Variants in NEDD4L observed in about 807,000 individuals in gnomAD.
The protein encoded by NEDD4L is E3 ubiquitin-protein ligase NEDD4-like.
In NEDD4L, 54 loss-of-function variants were observed where a neutral mutation model predicts 148.9. The observed-to-expected ratio is 0.36, with a 90% CI of 0.29 to 0.45. The LOEUF (loss-of-function observed/expected upper bound fraction) is 0.45. Among genes scored for constraint, NEDD4L ranks in the 20% least tolerant of loss-of-function variants. The pLI, the probability that NEDD4L is intolerant of heterozygous loss-of-function variation, is 1.00. For missense variants in NEDD4L, 856 were observed against 1,233.8 expected (o/e 0.69, Z 4.59); for synonymous variants, 433 against 440.7 (o/e 0.98, Z 0.22).
At chr18:58,283,876 C>T (rs1258555003) in intron 5 of NEDD4L, among the ~76,000 whole-genome samples, 1 of 152,090 alleles carries the variant, frequency 6.6e-6, no homozygotes, top group Non-Finnish European at 1.5e-5. Context: ...TGAATGTGGA[C>T]CCTAATCTGA....
intron 1 of NEDD4L, among the ~76,000 whole-genome samples, chr18:58,056,635 CAGTGA>C (rs1313454069): frequency 1.3e-5 from 2 of 152,056 alleles, no homozygotes; most frequent in African/African-American, 4.8e-5. Flanking sequence ...AGCAAGAGTG[CAGTGA>C]CACCATCTTG....
chr18:58,074,792 A>G (rs2083077024), intron 1 of NEDD4L, among the ~76,000 whole-genome samples: 2 of 152,206 alleles, frequency 1.3e-5, no homozygotes, highest in African/African-American at 2.4e-5. Context: ...ATATTAAGAC[A>G]AGAAGATGAA....
intron 1 of NEDD4L, among the ~76,000 whole-genome samples, chr18:58,141,566 G>A (rs2033509495): frequency 6.6e-6 from 1 of 151,996 alleles, no homozygotes; most frequent in Non-Finnish European, 1.5e-5. Context: ...CTGAAAGCAG[G>A]CCTTGAATTC....
chr18:58,383,368 T>C, intron 25 of NEDD4L, 49 bp downstream of exon 25: 2 of 1,053,552 alleles, frequency 1.9e-6, no homozygotes, highest in South Asian at 1.4e-5. Flanking sequence ...TTGAAATGCA[T>C]GTTTGGTCAC....
chr18:58,234,102 TTTTC>T (rs2045652295), intron 2 of NEDD4L, among the ~76,000 whole-genome samples: 1 of 76,928 alleles, frequency 1.3e-5, no homozygotes, highest in Non-Finnish European at 2.5e-5. Flanking sequence ...TCTTTCTTTC[TTTTC>T]TTTTCTTTTC....
chr18:58,281,734 A>G (rs1270336708), intron 5 of NEDD4L, among the ~76,000 whole-genome samples: 2 of 152,192 alleles, frequency 1.3e-5, no homozygotes, highest in South Asian at 2.1e-4. Flanking sequence ...TTTTAAAACT[A>G]TAAAATGTTG....
chr18:58,078,670 C>T (rs527544831), intron 1 of NEDD4L, among the ~76,000 whole-genome samples: 3 of 152,212 alleles, frequency 2.0e-5, no homozygotes, highest in South Asian at 4.1e-4. Flanking sequence ...ACAATATGTA[C>T]AATGGAACAG....
At chr18:58,138,047 C>T (rs2033054396) in intron 1 of NEDD4L, among the ~76,000 whole-genome samples, 1 of 152,220 alleles carries the variant, frequency 6.6e-6, no homozygotes, top group South Asian at 2.1e-4. Context: ...CTGCCATCAC[C>T]CAGCCCATGC....
At chr18:58,263,403 A>T (rs2049737030) in intron 5 of NEDD4L, among the ~76,000 whole-genome samples, 1 of 152,222 alleles carries the variant, frequency 6.6e-6, no homozygotes, top group Admixed American at 6.5e-5. Flanking sequence ...AATAACTTTG[A>T]GGAGCCTACT....
At chr18:58,213,969 G>A (rs565592778) in intron 2 of NEDD4L, among the ~76,000 whole-genome samples, 2 of 152,164 alleles carry the variant, frequency 1.3e-5, no homozygotes, top group African/African-American at 4.8e-5. Context: ...AATGTGCCAG[G>A]TTGAAGCAAT....
chr18:58,254,181 C>G (rs1262677064), intron 5 of NEDD4L, among the ~76,000 whole-genome samples: 2 of 152,156 alleles, frequency 1.3e-5, no homozygotes, highest in Non-Finnish European at 2.9e-5. Context: ...CCACCACACT[C>G]TGGATGCTAG....
At chr18:58,302,468 C>T (rs1369818358) in intron 5 of NEDD4L, among the ~76,000 whole-genome samples, 2 of 152,166 alleles carry the variant, frequency 1.3e-5, no homozygotes, top group Non-Finnish European at 2.9e-5. Context: ...TCAAATTGCA[C>T]ACACTGAACT....
At chr18:58,078,154 AT>A (rs111413735) in intron 1 of NEDD4L, among the ~76,000 whole-genome samples, 8,463 of 152,102 alleles carry the variant, frequency 0.056, 794 homozygotes, top group African/African-American at 0.19. Flanking sequence ...TTTAGAGACA[AT>A]CTCATCACTG....
chr18:58,162,458 G>A (rs552763936), intron 1 of NEDD4L, among the ~76,000 whole-genome samples: 1 of 152,036 alleles, frequency 6.6e-6, no homozygotes, highest in African/African-American at 2.4e-5. Context: ...TTTCGCCAAA[G>A]AAGCCTTTCC....
intron 1 of NEDD4L, among the ~76,000 whole-genome samples, chr18:58,154,986 A>G (rs987913492): frequency 1.2e-4 from 19 of 152,262 alleles, no homozygotes; most frequent in African/African-American, 4.3e-4. Flanking sequence ...TATTATGACA[A>G]TTCAAAAATA....
chr18:58,276,697 T>A (rs975542016), intron 5 of NEDD4L, among the ~76,000 whole-genome samples: 116 of 86,186 alleles, frequency 1.3e-3, no homozygotes, highest in Middle Eastern at 5.5e-3. Context: ...AATAATAATA[T>A]TATTATTATT....
intron 2 of NEDD4L, among the ~76,000 whole-genome samples, chr18:58,236,686 T>C (rs1216649273): frequency 3.3e-5 from 5 of 152,260 alleles, no homozygotes; most frequent in Admixed American, 2.6e-4. Flanking sequence ...CTGGAAGTTA[T>C]GACCATTGCT....
At chr18:58,315,477 AAAC>A (rs997125099) in intron 5 of NEDD4L, among the ~76,000 whole-genome samples, 15 of 150,400 alleles carry the variant, frequency 1.0e-4, no homozygotes, top group African/African-American at 3.8e-4. Flanking sequence ...ATTAAAAAAA[AAAC>A]AATGTACTTA....
intron 22 of NEDD4L, among the ~76,000 whole-genome samples, chr18:58,368,070 C>G (rs2046347760): frequency 6.6e-6 from 1 of 152,042 alleles, no homozygotes; most frequent in African/African-American, 2.4e-5. Flanking sequence ...CAGTTAAAAA[C>G]AAAAGTTTTT....
Sources: allele counts gnomAD v4.1 joint callset (sites outside exome capture counted in the v4.1 genomes callset), GRCh38; gene constraint gnomAD v4.1.1; transcripts MANE v1.5; gene names NCBI Gene and HGNC (gene_info 2026-07-23, HGNC 2026-07-21).